The following TNFSF11 variants were observed in gnomAD, a reference collection of about 807,000 sequenced individuals.
The protein encoded by TNFSF11 is TNF superfamily member 11.
A neutral mutation model predicts 32.2 loss-of-function variants in TNFSF11; 12 were observed. That is an observed-to-expected ratio of 0.37 (90% CI 0.24 to 0.60). TNFSF11 has a LOEUF of 0.60. Among genes scored for constraint, TNFSF11 ranks in the 20% least tolerant of loss-of-function variants. The probability of loss-of-function intolerance (pLI) is 0.66; values close to 1 mark genes in which losing one functional copy is unlikely to be tolerated. For synonymous variants in TNFSF11, 172 were observed against 152.1 expected (o/e 1.13, Z -0.96); for missense variants, 345 against 398.0 (o/e 0.87, Z 1.13).
intron 2 of TNFSF11, among the ~76,000 whole-genome samples, chr13:42,585,287 A>G (rs1873834992): frequency 1.3e-5 from 2 of 152,232 alleles, no homozygotes; most frequent in Non-Finnish European, 2.9e-5. Context: ...TGAACCCTTA[A>G]AACAAAATTA....
At chr13:42,565,200 A>T (rs1872825395) in intron 1 of TNFSF11, among the ~76,000 whole-genome samples, 1 of 145,192 alleles carries the variant, frequency 6.9e-6, no homozygotes, top group South Asian at 2.2e-4. Context: ...CAGCTCATCG[A>T]TAACTTTTAA....
At chr13:42,578,463 A>G (rs1873428426) in intron 1 of TNFSF11, among the ~76,000 whole-genome samples, 1 of 152,236 alleles carries the variant, frequency 6.6e-6, no homozygotes, top group Non-Finnish European at 1.5e-5. Context: ...GGGCATTGGA[A>G]TGAGAAAGAC....
chr13:42,593,710 T>G (rs1423896225), intron 2 of TNFSF11, among the ~76,000 whole-genome samples: 1 of 152,250 alleles, frequency 6.6e-6, no homozygotes, highest in African/African-American at 2.4e-5. Context: ...ATCATTAAGA[T>G]GTTAAAATGA....
chr13:42,583,432 A>AG (rs1213293455), intron 2 of TNFSF11, among the ~76,000 whole-genome samples: 2 of 90,374 alleles, frequency 2.2e-5, no homozygotes, highest in African/African-American at 3.6e-5. Flanking sequence ...AAAAAAAAAA[A>AG]AAAAAAGAAA....
chr13:42,601,959 C>T (rs931014615), intron 4 of TNFSF11, among the ~76,000 whole-genome samples: 4 of 152,212 alleles, frequency 2.6e-5, no homozygotes, highest in Admixed American at 2.6e-4. Flanking sequence ...ATTCCCGTCC[C>T]GTTGATTGCT....
chr13:42,591,644 G>A (rs1020928824), intron 2 of TNFSF11, among the ~76,000 whole-genome samples: 2 of 152,168 alleles, frequency 1.3e-5, no homozygotes, highest in Non-Finnish European at 2.9e-5. Flanking sequence ...GCTCCATCCA[G>A]GTGCATATAT....
At chr13:42,589,859 G>A (rs1874082629) in intron 2 of TNFSF11, among the ~76,000 whole-genome samples, 1 of 152,228 alleles carries the variant, frequency 6.6e-6, no homozygotes, top group Non-Finnish European at 1.5e-5. Flanking sequence ...ATGAATGAAT[G>A]ATGAGTCTTT....
At chr13:42,592,403 A>T (rs1484772092) in intron 2 of TNFSF11, among the ~76,000 whole-genome samples, 1 of 152,222 alleles carries the variant, frequency 6.6e-6, no homozygotes, top group Non-Finnish European at 1.5e-5. Flanking sequence ...CCAGCTTATT[A>T]TAAAGGATAC....
upstream of TNFSF11, among the ~76,000 whole-genome samples, chr13:42,572,586 A>G (rs1032034730): frequency 9.2e-5 from 14 of 152,222 alleles, no homozygotes; most frequent in African/African-American, 3.4e-4. Flanking sequence ...AAGGAGTAGA[A>G]TTAACGTCAA....
chr13:42,600,125 C>A (rs530746238), intron 2 of TNFSF11, among the ~76,000 whole-genome samples: 1 of 152,274 alleles, frequency 6.6e-6, no homozygotes, highest in South Asian at 2.1e-4. Flanking sequence ...TATGCAATTA[C>A]CTATACTCTT....
intron 4 of TNFSF11, 141 bp from the exon 5 acceptor site, chr13:42,606,356 A>G: frequency 9.7e-7 from 1 of 1,034,888 alleles, no homozygotes; most frequent in Admixed American, 2.1e-5. Context: ...CTCCCCTTCT[A>G]GAAAAGAAAT....
intron 4 of TNFSF11, among the ~76,000 whole-genome samples, chr13:42,602,156 G>A (rs368124357): frequency 2.0e-5 from 3 of 152,274 alleles, no homozygotes; most frequent in East Asian, 3.9e-4. Context: ...AGGCTCCATT[G>A]TCCTGGCTCT....
At position 42,574,317 on chromosome 13, in the gene TNFSF11, G is replaced by A; in HGVS notation, c.14G>A (p.Ser5Asn). 2 of 1,545,992 alleles carry A rather than the reference G, an allele frequency of 1.3e-6. No individual in the cohort carries two copies. The highest frequency in any genetic ancestry group is 1.2e-5 in the South Asian group (1 of 83,846). The part of the protein sequence containing the change: MRRA[S>N]RDYTKYLRGS... The stretch of plus-strand genomic sequence containing the variant: ...GGGCCGAGCGCCATGCGCCGCGCCA[G>A]CAGAGACTACACCAAGTACCTGCGT... The change falls in exon 1 of 5, where the codon AGC (serine) becomes AAC (asparagine). Residue 5 changes from serine (S) to asparagine (N), a missense_variant. Coordinates refer to ENST00000398795, the MANE Select transcript of TNFSF11 (RefSeq NM_003701.4).
At chr13:42,590,626 TA>T (rs1874123292) in intron 2 of TNFSF11, among the ~76,000 whole-genome samples, 1 of 152,224 alleles carries the variant, frequency 6.6e-6, no homozygotes, top group Non-Finnish European at 1.5e-5. Context: ...AGAGACATGG[TA>T]AATAGCACAA....
At chr13:42,584,955 G>C (rs151160575) in intron 2 of TNFSF11, among the ~76,000 whole-genome samples, 1 of 152,184 alleles carries the variant, frequency 6.6e-6, no homozygotes, top group Admixed American at 6.5e-5. Context: ...CCCTTAGACA[G>C]GATCTTTAGG....
intron 2 of TNFSF11, among the ~76,000 whole-genome samples, chr13:42,599,662 C>T (rs1869058654): frequency 6.6e-6 from 1 of 152,078 alleles, no homozygotes; most frequent in Non-Finnish European, 1.5e-5. Context: ...CCGCAACCTC[C>T]CGGTTCAAGC....
chr13:42,570,660 G>A (rs114970486), upstream of TNFSF11, among the ~76,000 whole-genome samples: 1,183 of 152,084 alleles, frequency 7.8e-3, 17 homozygotes, highest in African/African-American at 0.026. Flanking sequence ...TGATAAATAA[G>A]GCAGATAAAT....
intron 1 of TNFSF11, among the ~76,000 whole-genome samples, chr13:42,577,016 C>G (rs1017460862): frequency 6.6e-6 from 1 of 152,138 alleles, no homozygotes; most frequent in South Asian, 2.1e-4. Flanking sequence ...TATATCGGCT[C>G]TTTTGGATTG....
chr13:42,568,316 G>T (rs1325801), intron 2 of TNFSF11, among the ~76,000 whole-genome samples: 3 of 152,144 alleles, frequency 2.0e-5, no homozygotes, highest in Admixed American at 1.3e-4. Flanking sequence ...CTTGCTTTAG[G>T]TTTTTTCCAG....
Sources: gnomAD v4.1 joint callset for allele counts (sites outside exome capture counted in the v4.1 genomes callset) on GRCh38, gnomAD v4.1.1 for gene constraint, MANE v1.5 for transcripts, NCBI Gene and HGNC (gene_info 2026-07-23, HGNC 2026-07-21) for gene names.